Variants in PRELP observed in about 807,000 individuals in gnomAD.
PRELP encodes prolargin.
Under a neutral mutation model 22.8 loss-of-function variants are expected in PRELP, and 16 were observed. The observed-to-expected ratio is 0.70, with a 90% CI of 0.47 to 1.06. The LOEUF is 1.06. Among genes scored for constraint, PRELP ranks in the 50% least tolerant of loss-of-function variants. The pLI is 0.00. For synonymous variants in PRELP, 233 were observed against 211.4 expected (o/e 1.10, Z -0.89); for missense variants, 434 against 485.2 (o/e 0.89, Z 0.99).
intron 2 of PRELP, 47 bp from the exon 3 acceptor site, chr1:203,486,658 GC>G (rs752560125): frequency 2.6e-6 from 4 of 1,537,430 alleles, no homozygotes; most frequent in Non-Finnish European, 3.6e-6. Flanking sequence ...CCTCATCTTG[GC>G]CGCCAGCCTC....
Position 203,489,893 on chromosome 1 carries a change from G to A in PRELP, c.*3012G>A, listed in dbSNP as rs1176565244. On this transcript the variant is annotated 3_prime_UTR_variant, in exon 3 of 3. Coordinates refer to ENST00000343110, the MANE Select transcript of PRELP (RefSeq NM_002725.4). ...AATTGCTTGAACCCTGGAGGCAGAAGTTGCAGTGAGCCGAGATCGCACCAC... is the reference window on the plus strand; with the variant it reads ...AATTGCTTGAACCCTGGAGGCAGAAATTGCAGTGAGCCGAGATCGCACCAC... 1 of 152,088 alleles carries A rather than the reference G, an allele frequency of 6.6e-6. No homozygotes were observed. The highest frequency in any genetic ancestry group is 1.5e-5 in the Non-Finnish European group (1 of 68,030). 9.4% of individuals were successfully genotyped at this position (152,088 alleles called of 1,614,324 possible).
chr1:203,486,338 G>T (rs545508338), intron 2 of PRELP, among the ~76,000 whole-genome samples: 1 of 151,908 alleles, frequency 6.6e-6, no homozygotes, highest in South Asian at 2.1e-4. Context: ...TCCCAGATTC[G>T]CCCACAAGCA....
intron 1 of PRELP, among the ~76,000 whole-genome samples, chr1:203,478,367 G>A (rs547194680): frequency 5.9e-5 from 9 of 152,246 alleles, no homozygotes; most frequent in Admixed American, 1.3e-4. Flanking sequence ...GAGAAGAGTC[G>A]TCTCACCCTG....
In PRELP at chr1:203,489,519, A is replaced by G. The variant is rs1021119810; in HGVS notation, c.*2638A>G. ...AGGTGTATGTGTGTACTCTGCACGT[A>G]TATCTCTTCTGTCTTGAAGACCCTG... On this transcript the variant is annotated 3_prime_UTR_variant, in exon 3 of 3. Transcript: ENST00000343110. 2.6e-5 allele frequency: 4 copies of G among 152,270 alleles called. No homozygotes were observed. Among genetic ancestry groups the G allele is most frequent in the Non-Finnish European group, 5.9e-5 (4 of 68,044 alleles). The allele number at this position is 152,270 out of a possible 1,614,324, so 9.4% of individuals were successfully genotyped here.
chr1:203,486,175 A>G (rs948678559), intron 2 of PRELP, among the ~76,000 whole-genome samples: 3 of 152,210 alleles, frequency 2.0e-5, no homozygotes, highest in African/African-American at 7.2e-5. Flanking sequence ...CCAGGATACC[A>G]TGGTTCAAGT....
Position 203,486,744 on chromosome 1 carries a change from G to T in PRELP, c.1012G>T (p.Ala338Ser). The change falls in exon 3 of 3, where the codon GCG (alanine) becomes TCG (serine). Residue 338 changes from alanine (A) to serine (S), a missense_variant. Coordinates refer to ENST00000343110, the MANE Select transcript of PRELP (RefSeq NM_002725.4). ...CCAGATTTGCCCCAACGACCTAGTGGCGTTCCATGACTTCTCCTCGGACCT... is the reference window on the plus strand; with the variant it reads ...CCAGATTTGCCCCAACGACCTAGTGTCGTTCCATGACTTCTCCTCGGACCT... ...GTQICPNDLVAFHDFSSDLEN... is the reference protein window; with the variant it reads ...GTQICPNDLVSFHDFSSDLEN... The T allele has an allele frequency of 6.2e-7, 1 of 1,614,004 alleles. No individual in the cohort carries two copies. Among genetic ancestry groups the T allele is most frequent in the Middle Eastern group, 1.7e-4 (1 of 6,058 alleles).
At position 203,486,646 on chromosome 1, in the gene PRELP, T is replaced by G. The variant is rs1661095856; in HGVS notation, c.974-60T>G. 4 of 1,500,492 alleles carry G rather than the reference T, an allele frequency of 2.7e-6. No individual in the cohort carries two copies. In the East Asian group the frequency reaches 9.1e-5, roughly 34 times the overall value. 92.9% of individuals were successfully genotyped at this position (1,500,492 alleles called of 1,614,324 possible). On this transcript the variant is annotated intron_variant, in intron 2 of 2. Coordinates refer to ENST00000343110, the MANE Select transcript of PRELP (RefSeq NM_002725.4). ...CTCTCGGGTGTCTTCCCCCTTCCCC[T>G]TCCTCATCTTGGCCGCCAGCCTCCA...
rs1002955455 is a variant in PRELP at position 203,491,035 on chromosome 1, A to C, written c.*4154A>C. On this transcript the variant is annotated 3_prime_UTR_variant, in exon 3 of 3. Transcript: ENST00000343110. The surrounding 1 kb of genome is among the most constrained non-coding windows in gnomAD (Gnocchi z 4.4). ...CATATCCCCTGTGACCTGCATGTGC[A>C]CATCCAGACGGCTGGTTCCTACCTT... 3.3e-5 allele frequency: 5 copies of C among 152,452 alleles called. No individual in the cohort carries two copies. Among genetic ancestry groups the C allele is most frequent in the African/African-American group, 1.2e-4 (5 of 41,468 alleles). 9.4% of individuals were successfully genotyped at this position (152,452 alleles called of 1,614,324 possible).
At chr1:203,484,182 G>GGGGGGGGC in intron 2 of PRELP, 25 bp downstream of exon 2, 2 of 1,585,422 alleles carry the variant, frequency 1.3e-6, no homozygotes, top group Non-Finnish European at 8.6e-7. Flanking sequence ...CCGGGGCGGG[G>GGGGGGGGC]CCGAAGGCAA....
At chr1:203,479,564 G>T (rs1660963209) in intron 1 of PRELP, among the ~76,000 whole-genome samples, 1 of 151,924 alleles carries the variant, frequency 6.6e-6, no homozygotes, top group South Asian at 2.1e-4. Flanking sequence ...TTAGCCAGCT[G>T]TGGTAGCACA....
At position 203,487,078 on chromosome 1, in the gene PRELP, C is replaced by G; in HGVS notation, c.*197C>G. 1 of 634,008 alleles carries G rather than the reference C, an allele frequency of 1.6e-6. No individual in the cohort carries two copies. Among genetic ancestry groups the G allele is most frequent in the Admixed American group, 3.2e-5 (1 of 31,390 alleles). 39.3% of individuals were successfully genotyped at this position (634,008 alleles called of 1,614,324 possible). On this transcript the variant is annotated 3_prime_UTR_variant, in exon 3 of 3. Coordinates refer to ENST00000343110, the MANE Select transcript of PRELP (RefSeq NM_002725.4). ...ACTTCAAGGACTCAGTTTGGTTCCA[C>G]CCAGTTGAAAGACACCCAGTGCACA... is the stretch of plus-strand genomic sequence containing the variant.
At position 203,480,756 on chromosome 1, in the gene PRELP, C is replaced by G. The variant is rs1660986388; in HGVS notation, c.-16-2413C>G. The stretch of plus-strand genomic sequence containing the variant: ...ACATAACTTGCTCCTGGGAGCATTT[C>G]CTGGGGAACCTCCTGTTGGCTCTGG... On this transcript the variant is annotated intron_variant, in intron 1 of 2. Transcript: ENST00000343110. Among the ~76,000 whole-genome samples the G allele has an allele frequency of 2.0e-5, 3 of 152,198 alleles. No individual in the cohort carries two copies. The South Asian group carries it at 6.2e-4, about 32-fold the overall frequency.
At chr1:203,484,189 G>A in intron 2 of PRELP, 32 bp downstream of exon 2, 1 of 1,592,976 alleles carries the variant, frequency 6.3e-7, no homozygotes, top group East Asian at 2.2e-5. Context: ...GGGGCCGAAG[G>A]CAAGGAGGTT....
intron 1 of PRELP, among the ~76,000 whole-genome samples, chr1:203,477,109 T>C (rs1223070738): frequency 6.6e-6 from 1 of 151,968 alleles, no homozygotes; most frequent in Non-Finnish European, 1.5e-5. Flanking sequence ...ATCTTCACAG[T>C]CACCTAAGGG....
In PRELP at chr1:203,476,955, GCAGCAGTT is replaced by G. The variant is rs57694220; in HGVS notation, c.-17+1019_-17+1026del. Among the ~76,000 whole-genome samples, 625 of 148,824 alleles carry G rather than the reference GCAGCAGTT, an allele frequency of 4.2e-3. 4 individuals are homozygous for G. Among genetic ancestry groups the G allele is most frequent in the African/African-American group, 0.014 (588 of 40,694 alleles). On this transcript the variant is annotated intron_variant, in intron 1 of 2. Transcript: ENST00000343110. ...TGGCAGAGGAGAAAAAAAAAAAAAG[GCAGCAGTT>G]CCTTAAGCAGTTGGGGAGGGGAAAA...
intron 1 of PRELP, among the ~76,000 whole-genome samples, chr1:203,477,280 TA>T (rs1434451457): frequency 6.6e-6 from 1 of 152,176 alleles, no homozygotes; most frequent in Non-Finnish European, 1.5e-5. Flanking sequence ...AGCTTTGCTG[TA>T]ATTTTTAAGC....
In PRELP at chr1:203,476,639, G is replaced by A. The variant is rs542152375; in HGVS notation, c.-17+701G>A. ...ATAAGCAAGAGCGGGAGCTGGAAGG[G>A]TTTCTTCATTATTTAGGGCTTCACT... On this transcript the variant is annotated intron_variant, in intron 1 of 2. Coordinates refer to ENST00000343110, the MANE Select transcript of PRELP (RefSeq NM_002725.4). Among the ~76,000 whole-genome samples the A allele has an allele frequency of 1.2e-4, 19 of 152,298 alleles. No individual in the cohort carries two copies. In the East Asian group the frequency reaches 3.3e-3, roughly 26 times the overall value.
In PRELP at chr1:203,489,324, C is replaced by G. The variant is rs1661151522; in HGVS notation, c.*2443C>G. 1 of 152,376 alleles carries G rather than the reference C, an allele frequency of 6.6e-6. No individual in the cohort carries two copies. The allele number at this position is 152,376 out of a possible 1,614,324, so 9.4% of individuals were successfully genotyped here. The stretch of plus-strand genomic sequence containing the variant: ...GAATATGTCTGCTCTCCTTTGCTCT[C>G]TGCAGCTGTAAGCCAGAGGGGATTC... On this transcript the variant is annotated 3_prime_UTR_variant, in exon 3 of 3. Transcript: ENST00000343110.
At position 203,481,937 on chromosome 1, in the gene PRELP, C is replaced by T. The variant is rs1463387195; in HGVS notation, c.-16-1232C>T. 5.9e-5 allele frequency among the ~76,000 whole-genome samples: 9 copies of T among 152,152 alleles called. 1 individual carries two copies. The South Asian group carries it at 6.2e-4, about 11-fold the overall frequency. On this transcript the variant is annotated intron_variant, in intron 1 of 2. Transcript: ENST00000343110. ...CCTGCCCCTCAACAAATGAATGCTT[C>T]GGCTAAACCTCAATATATATAATAG... is the stretch of plus-strand genomic sequence containing the variant.
Sources: allele counts gnomAD v4.1 joint callset (sites outside exome capture counted in the v4.1 genomes callset), GRCh38; gene constraint gnomAD v4.1.1; non-coding constraint Gnocchi (gnomAD v3.1); transcripts MANE v1.5; gene names NCBI Gene and HGNC (gene_info 2026-07-23, HGNC 2026-07-21).